Variants in LRCH3 observed in about 807,000 individuals in gnomAD.
LRCH3 encodes the protein leucine rich repeats and calponin homology domain containing 3, also known as DISP complex protein LRCH3.
In LRCH3, 68 loss-of-function variants were observed where a neutral mutation model predicts 104.5. The ratio of observed to expected loss-of-function variants is 0.65; its 90% CI spans 0.54 to 0.80. LRCH3 has a LOEUF of 0.80. Ranked by LOEUF, LRCH3 falls within the 30% of genes least tolerant of loss-of-function variation. The probability of loss-of-function intolerance (pLI) is 0.00; values close to 1 mark genes in which losing one functional copy is unlikely to be tolerated. For missense variants in LRCH3, 951 were observed against 953.9 expected (o/e 1.00, Z 0.04); for synonymous variants, 344 against 361.3 (o/e 0.95, Z 0.54).
chr3:197,881,017 T>G, intron 20 of LRCH3: 1 of 1,225,846 alleles, frequency 8.2e-7, no homozygotes, highest in South Asian at 2.0e-5. Context: ...ACTAATACAA[T>G]TCTGAACTTG....
chr3:197,883,743 C>T lies in LRCH3; in HGVS notation c.*77C>T. On this transcript the variant is annotated 3_prime_UTR_variant, in exon 21 of 21. Transcript: ENST00000425562. The surrounding 1 kb of genome is among the most constrained non-coding windows in gnomAD (Gnocchi z 4.2). ...CGTGATTGCTGCTGCCAGCTGTCTG[C>T]TTAAACAAAGCTCTTGTGTGTTCTC... is the stretch of plus-strand genomic sequence containing the variant. 8 of 1,440,008 alleles carry T rather than the reference C, an allele frequency of 5.6e-6. No individual in the cohort carries two copies. The highest frequency in any genetic ancestry group is 7.4e-6 in the Non-Finnish European group (8 of 1,084,636). The allele number at this position is 1,440,008 out of a possible 1,614,324, so 89.2% of individuals were successfully genotyped here.
intron 15 of LRCH3, among the ~76,000 whole-genome samples, chr3:197,860,801 A>T (rs1054300126): frequency 4.6e-5 from 7 of 152,056 alleles, no homozygotes; most frequent in African/African-American, 1.4e-4. Flanking sequence ...TAAATTATTG[A>T]CTGTGATGAC....
At chr3:197,862,460 G>T (rs1452211684) in intron 15 of LRCH3, among the ~76,000 whole-genome samples, 2 of 151,928 alleles carry the variant, frequency 1.3e-5, no homozygotes, top group African/African-American at 4.8e-5. Context: ...TAAATTTCTA[G>T]TCTATGTCCT....
At chr3:197,834,972 C>T (rs552876322) in intron 8 of LRCH3, among the ~76,000 whole-genome samples, 12 of 152,036 alleles carry the variant, frequency 7.9e-5, no homozygotes, top group South Asian at 2.1e-4. Flanking sequence ...GGTGAAACCC[C>T]GTCTCTACTA....
rs1370863660 is a variant in LRCH3 at position 197,854,459 on chromosome 3, A to C, written c.1644+14A>C. 1 of 1,613,418 alleles carries C rather than the reference A, an allele frequency of 6.2e-7. No individual in the cohort carries two copies. On this transcript the variant is annotated intron_variant, in intron 14 of 20. Transcript: ENST00000425562. This position sits in a 1 kb window ranked among gnomAD's most constrained non-coding sequence, Gnocchi z 4.5. ...GCCTTGTGCATGGTAAGAGTTTTGC[A>C]CAAAACGGAGTTTCGCATTTCTGTG...
At position 197,791,490 on chromosome 3, in the gene LRCH3, A is replaced by G. The variant is rs765330711; in HGVS notation, c.212A>G (p.Glu71Gly). 8 of 1,601,184 alleles carry G rather than the reference A, an allele frequency of 5.0e-6. No individual in the cohort carries two copies. In the South Asian group the frequency reaches 8.9e-5, roughly 18 times the overall value. Residue 71 changes from glutamate to glycine, a missense_variant, in exon 1 of 21, where the codon GAG becomes GGG. By Grantham distance (98) the Glu-to-Gly change is moderately conservative. Coordinates refer to ENST00000425562, the MANE Select transcript of LRCH3 (RefSeq NM_001365715.1). ...AGCCTGAGCGGCCGGAAACTGAGGGAGTTTCCCCGGGGAGCGGCCAACCAC... is the reference window on the plus strand; with the variant it reads ...AGCCTGAGCGGCCGGAAACTGAGGGGGTTTCCCCGGGGAGCGGCCAACCAC... ...VLSLSGRKLR[E>G]FPRGAANHDL...
chr3:197,801,867 TGGA>T (rs1447425640), intron 1 of LRCH3, among the ~76,000 whole-genome samples: 1 of 152,206 alleles, frequency 6.6e-6, no homozygotes, highest in Non-Finnish European at 1.5e-5. Context: ...GGCTTTTATC[TGGA>T]GGCTTTGGGG....
rs1732987286 is a variant in LRCH3 at position 197,810,376 on chromosome 3, C to T, written c.263-4532C>T. 6.6e-6 allele frequency among the ~76,000 whole-genome samples: 1 copy of T among 152,130 alleles called. No individual in the cohort carries two copies. Among genetic ancestry groups the T allele is most frequent in the South Asian group, 2.1e-4 (1 of 4,824 alleles). On this transcript the variant is annotated intron_variant, in intron 1 of 20. Transcript: ENST00000425562. This position sits in a 1 kb window ranked among gnomAD's most constrained non-coding sequence, Gnocchi z 4.0. ...CCATGTTGGCCAGGCTGGTCTCGAA[C>T]TGCTGACCTTAGGTGATTCACCAGC...
At chr3:197,821,648 A>G (rs1335605446) in intron 4 of LRCH3, among the ~76,000 whole-genome samples, 1 of 152,168 alleles carries the variant, frequency 6.6e-6, no homozygotes, top group Non-Finnish European at 1.5e-5. Flanking sequence ...GGGTTCTTTG[A>G]CAAAATATGA....
intron 20 of LRCH3, among the ~76,000 whole-genome samples, chr3:197,879,966 G>A (rs770080269): frequency 4.2e-4 from 61 of 143,930 alleles, no homozygotes; most frequent in Non-Finnish European, 7.8e-4. Flanking sequence ...TTTTTTTTGA[G>A]ACGGAGTCTC....
At chr3:197,808,478 A>G (rs1219930003) in intron 1 of LRCH3, among the ~76,000 whole-genome samples, 1 of 152,116 alleles carries the variant, frequency 6.6e-6, no homozygotes, top group African/African-American at 2.4e-5. Context: ...TCCATTACTC[A>G]TTCTTTTAGA....
chr3:197,794,699 C>G (rs541271848), intron 1 of LRCH3, among the ~76,000 whole-genome samples: 1 of 152,218 alleles, frequency 6.6e-6, no homozygotes, highest in South Asian at 2.1e-4. Context: ...ACTTTCTGTG[C>G]TGTTTATTTT....
At position 197,883,795 on chromosome 3, in the gene LRCH3, A is replaced by T; in HGVS notation, c.*129A>T. ...GAAGGGACCGTTCCCATGATTCCTA[A>T]CAGGAATATTTTGCTTCATTTCTCC... On this transcript the variant is annotated 3_prime_UTR_variant, in exon 21 of 21. Coordinates refer to ENST00000425562, the MANE Select transcript of LRCH3 (RefSeq NM_001365715.1). The surrounding 1 kb of genome is among the most constrained non-coding windows in gnomAD (Gnocchi z 4.2). The T allele has an allele frequency of 3.0e-6, 3 of 991,970 alleles. No homozygotes were observed. The highest frequency in any genetic ancestry group is 2.7e-6 in the Non-Finnish European group (2 of 742,990). The allele number at this position is 991,970 out of a possible 1,614,324, so 61.4% of individuals were successfully genotyped here. A position where few individuals can be genotyped will look rare whatever the true frequency, so the allele number is the denominator to read the frequency against.
intron 2 of LRCH3, among the ~76,000 whole-genome samples, chr3:197,815,434 G>A (rs1395582306): frequency 1.3e-5 from 2 of 152,170 alleles, no homozygotes; most frequent in Non-Finnish European, 2.9e-5. Context: ...ATAAAGTATT[G>A]AATAGCTGAT....
At chr3:197,871,586 C>G (rs906145883) in intron 19 of LRCH3, 124 bp downstream of exon 19, 27 of 1,291,950 alleles carry the variant, frequency 2.1e-5, no homozygotes, top group Non-Finnish European at 2.7e-5. Context: ...CAGTCTCTAC[C>G]TTCCTGGTCT....
chr3:197,820,400 A>G lies in LRCH3; in HGVS notation c.610A>G (p.Arg204Gly). ...NLEALRDLNV[R>G]RNHLVHLPEE... is the part of the protein sequence containing the mutation. ...GGAGGCCTTGAGAGACCTTAATGTA[A>G]GAAGAAATCACCTAGTACATTTGCC... The change falls in exon 4 of 21, where the codon AGA (arginine) becomes GGA (glycine). Residue 204 changes from arginine (R) to glycine (G), a missense_variant. Coordinates refer to ENST00000425562, the MANE Select transcript of LRCH3 (RefSeq NM_001365715.1). 1.2e-6 allele frequency: 2 copies of G among 1,608,324 alleles called. No homozygotes were observed. The highest frequency in any genetic ancestry group is 1.3e-5 in the African/African-American group (1 of 74,966).
In LRCH3 at chr3:197,791,466, G is replaced by A. The variant is rs1024326417; in HGVS notation, c.188G>A (p.Ser63Asn). Residue 63 changes from serine to asparagine, a missense_variant, in exon 1 of 21, where the codon AGC becomes AAC. Transcript: ENST00000425562. Reference sequence around the variant, plus strand: ...GAGGCGGCGGTCACTGGGGTGCTGAGCCTGAGCGGCCGGAAACTGAGGGAG... The same window carrying A: ...GAGGCGGCGGTCACTGGGGTGCTGAACCTGAGCGGCCGGAAACTGAGGGAG... ...LEEAAVTGVL[S>N]LSGRKLREFP... is the part of the protein sequence containing the mutation. 2 of 1,600,966 alleles carry A rather than the reference G, an allele frequency of 1.2e-6. No homozygotes were observed. The highest frequency in any genetic ancestry group is 1.7e-6 in the Non-Finnish European group (2 of 1,175,130).
chr3:197,871,244 T>C, intron 18 of LRCH3, 81 bp from the exon 19 acceptor site: 1 of 1,105,858 alleles, frequency 9.0e-7, no homozygotes, highest in Non-Finnish European at 1.3e-6. Flanking sequence ...TGATTTTTAA[T>C]TAGATTTCAT....
At position 197,829,580 on chromosome 3, in the gene LRCH3, A is replaced by G. The variant is rs761733747; in HGVS notation, c.794A>G (p.Lys265Arg). Residue 265 changes from lysine (K) to arginine (R), a missense_variant, in exon 6 of 21, where the codon AAA becomes AGA. Lys to Arg is a conservative substitution (Grantham distance 26). Coordinates refer to ENST00000425562, the MANE Select transcript of LRCH3 (RefSeq NM_001365715.1). ...SPPAQICIKG[K>R]VHIFKYLNIQ... ...TTTATTTAGATATGTATAAAAGGCAAAGTCCACATATTTAAATACCTGAAC... is the reference window on the plus strand; with the variant it reads ...TTTATTTAGATATGTATAAAAGGCAGAGTCCACATATTTAAATACCTGAAC... 6 of 1,609,966 alleles carry G rather than the reference A, an allele frequency of 3.7e-6. No homozygotes were observed. Among genetic ancestry groups the G allele is most frequent in the Non-Finnish European group, 5.1e-6 (6 of 1,178,774 alleles).
Sources: allele counts gnomAD v4.1 joint callset (sites outside exome capture counted in the v4.1 genomes callset), GRCh38; gene constraint gnomAD v4.1.1; non-coding constraint Gnocchi (gnomAD v3.1); transcripts MANE v1.5; gene names NCBI Gene and HGNC (gene_info 2026-07-23, HGNC 2026-07-21).